Variants in LUZP2 observed in about 807,000 individuals in gnomAD.
LUZP2 encodes the protein leucine zipper protein 2.
Under a neutral mutation model 51.6 loss-of-function variants are expected in LUZP2, and 52 were observed. The observed-to-expected ratio is 1.01, with a 90% confidence interval of 0.81 to 1.27. The LOEUF is 1.27. LUZP2 is among the 50% of genes most tolerant of loss of function. LUZP2 has a pLI of 0.00. For missense variants in LUZP2, 436 were observed against 395.4 expected (o/e 1.10, Z -0.87); for synonymous variants, 154 against 137.3 (o/e 1.12, Z -0.85).
At chr11:24,890,946 T>C in intron 5 of LUZP2, 2 of 967,996 alleles carry the variant, frequency 2.1e-6, no homozygotes, top group Non-Finnish European at 2.5e-6. Flanking sequence ...CTATTGCTCT[T>C]ATGATGAAAA....
At chr11:24,693,836 A>T (rs1287654479) in intron 1 of LUZP2, among the ~76,000 whole-genome samples, 3 of 152,052 alleles carry the variant, frequency 2.0e-5, no homozygotes, top group Admixed American at 6.6e-5. Flanking sequence ...GATGGAGAAG[A>T]TATAACAATG....
chr11:24,877,287 G>A (rs1852302452), intron 5 of LUZP2, among the ~76,000 whole-genome samples: 1 of 151,992 alleles, frequency 6.6e-6, no homozygotes, highest in South Asian at 2.1e-4. Flanking sequence ...TGTACTACTA[G>A]TGAATATTTT....
intron 1 of LUZP2, among the ~76,000 whole-genome samples, chr11:24,586,438 T>G (rs992600887): frequency 9.2e-5 from 14 of 152,072 alleles, no homozygotes; most frequent in African/African-American, 3.4e-4. Flanking sequence ...CTAAATAAAT[T>G]CTAAGAAAAA....
intron 9 of LUZP2, among the ~76,000 whole-genome samples, chr11:25,041,643 T>TAC (rs200817027): frequency 2.6e-4 from 40 of 152,026 alleles, no homozygotes; most frequent in East Asian, 7.7e-4. Context: ...TATTATTTTA[T>TAC]ACACACACAC....
At chr11:24,793,866 T>G (rs1252257785) in intron 5 of LUZP2, among the ~76,000 whole-genome samples, 1 of 152,140 alleles carries the variant, frequency 6.6e-6, no homozygotes, top group Non-Finnish European at 1.5e-5. Flanking sequence ...TCAAACCTAC[T>G]CACAAAATAG....
At chr11:24,501,474 A>T (rs1282441612) in intron 1 of LUZP2, among the ~76,000 whole-genome samples, 1 of 152,210 alleles carries the variant, frequency 6.6e-6, no homozygotes, top group Non-Finnish European at 1.5e-5. Flanking sequence ...GTTCTAATGA[A>T]ATAATGTTTT....
intron 1 of LUZP2, among the ~76,000 whole-genome samples, chr11:24,620,441 C>A (rs1854455714): frequency 6.6e-6 from 1 of 152,054 alleles, no homozygotes; most frequent in Non-Finnish European, 1.5e-5. Context: ...AATTGTCATA[C>A]CTGCTCCTTT....
chr11:24,587,973 CT>C (rs1215831915), intron 1 of LUZP2, among the ~76,000 whole-genome samples: 3 of 151,978 alleles, frequency 2.0e-5, no homozygotes, highest in Admixed American at 2.0e-4. Context: ...ATGTTCACCC[CT>C]GACCACCCCT....
intron 7 of LUZP2, among the ~76,000 whole-genome samples, chr11:24,954,611 A>T (rs1855165255): frequency 6.6e-6 from 1 of 152,010 alleles, no homozygotes; most frequent in Non-Finnish European, 1.5e-5. Context: ...AGACTGTGTC[A>T]AGTCAGCTTA....
intron 1 of LUZP2, among the ~76,000 whole-genome samples, chr11:24,517,483 C>CAAAAAAAAAAAAAAAAAAAAAAAA (rs71041768): frequency 4.5e-5 from 2 of 44,144 alleles, no homozygotes; most frequent in African/African-American, 8.4e-5. Flanking sequence ...CAGACGCCGT[C>CAAAAAAAAAAAAAAAAAAAAAAAA]AAAAAAAAAA....
intron 8 of LUZP2, among the ~76,000 whole-genome samples, chr11:24,978,871 G>A (rs867072692): frequency 6.6e-6 from 1 of 151,600 alleles, no homozygotes; most frequent in African/African-American, 2.4e-5. Flanking sequence ...ATCTTTAGTT[G>A]TACATATTCT....
intron 5 of LUZP2, among the ~76,000 whole-genome samples, chr11:24,850,036 T>C (rs768188870): frequency 6.6e-6 from 1 of 152,176 alleles, no homozygotes; most frequent in Non-Finnish European, 1.5e-5. Flanking sequence ...CTTTGTTAGA[T>C]GGATAGATTG....
chr11:24,901,272 T>C (rs1853272856), intron 5 of LUZP2, among the ~76,000 whole-genome samples: 1 of 152,044 alleles, frequency 6.6e-6, no homozygotes, highest in South Asian at 2.1e-4. Flanking sequence ...ATTTTCTCAA[T>C]TGATTTTTGA....
At chr11:24,799,545 C>T (rs1213068428) in intron 5 of LUZP2, among the ~76,000 whole-genome samples, 1 of 150,408 alleles carries the variant, frequency 6.6e-6, no homozygotes, top group African/African-American at 2.4e-5. Context: ...GAGCCAAGAC[C>T]ACACCATTGC....
chr11:24,878,771 G>GC (rs1468393509), intron 5 of LUZP2, among the ~76,000 whole-genome samples: 3 of 151,002 alleles, frequency 2.0e-5, no homozygotes, highest in Non-Finnish European at 4.4e-5. Context: ...CCCTCCTTTT[G>GC]CCCCCCACAC....
rs1859335677 is a variant in LUZP2, at chr11:25,077,236, T to C, written c.859-93T>C. On this transcript the variant is annotated intron_variant, in intron 10 of 11. Coordinates refer to ENST00000336930, the MANE Select transcript of LUZP2 (RefSeq NM_001009909.4). ...TATGGATCAAAGTGATAGAATCTTC[T>C]CAACAGGAAGAATTCAAGAGAGTGT... The C allele has an allele frequency of 3.2e-6, 3 of 940,730 alleles. No individual in the cohort carries two copies. In the Admixed American group the frequency reaches 5.3e-5, roughly 16 times the overall value. 58.3% of individuals were successfully genotyped at this position (940,730 alleles called of 1,614,324 possible). A position where few individuals can be genotyped will look rare whatever the true frequency, so the allele number is the denominator to read the frequency against.
intron 9 of LUZP2, among the ~76,000 whole-genome samples, chr11:25,005,022 C>T (rs1856794756): frequency 6.6e-6 from 1 of 152,180 alleles, no homozygotes; most frequent in South Asian, 2.1e-4. Flanking sequence ...ATCTATGTAC[C>T]TATCAGGATC....
chr11:24,983,848 A>C (rs1023318646), intron 9 of LUZP2, among the ~76,000 whole-genome samples: 1 of 148,446 alleles, frequency 6.7e-6, no homozygotes, highest in East Asian at 2.0e-4. Context: ...TCCAGTTATC[A>C]GTAATTTTTC....
chr11:24,517,248 G>A (rs1287451608), intron 1 of LUZP2, among the ~76,000 whole-genome samples: 3 of 151,876 alleles, frequency 2.0e-5, no homozygotes, highest in East Asian at 3.9e-4. Context: ...CACTTTGGGA[G>A]GCCAAGGTGG....
Sources: gnomAD v4.1 joint callset for allele counts (sites outside exome capture counted in the v4.1 genomes callset) on GRCh38, gnomAD v4.1.1 for gene constraint, MANE v1.5 for transcripts, NCBI Gene and HGNC (gene_info 2026-07-23, HGNC 2026-07-21) for gene names.